The following BLTP1 variants were observed in gnomAD, a reference collection of about 807,000 sequenced individuals.
BLTP1 encodes fragile site-associated protein.
At chr4:122,224,876 A>C in the BLTP1 span, 17 of 1,475,100 alleles carry the variant, frequency 1.2e-5, no homozygotes, top group Non-Finnish European at 1.5e-5. Context: ...GCCACATATA[A>C]TTTGTTGGGT....
the BLTP1 span, chr4:122,221,681 A>G: frequency 2.1e-6 from 1 of 480,460 alleles, no homozygotes; most frequent in Non-Finnish European, 2.7e-6. Context: ...CCTTAAAAAA[A>G]AAAACCTCTT....
chr4:122,193,339 GGTAACGT>G, the BLTP1 span, among the ~76,000 whole-genome samples: 1 of 152,108 alleles, frequency 6.6e-6, no homozygotes. Flanking sequence ...GTTTGGTTGA[GGTAACGT>G]GTAAATTAAG....
At chr4:122,220,591 G>A in the BLTP1 span, 1 of 802,358 alleles carries the variant, frequency 1.2e-6, no homozygotes, top group Non-Finnish European at 1.9e-6. Flanking sequence ...AGACTTTTAA[G>A]TTAACTGTAT....
chr4:122,329,453 A>C, the BLTP1 span, among the ~76,000 whole-genome samples: 2 of 151,542 alleles, frequency 1.3e-5, no homozygotes, highest in African/African-American at 4.8e-5. Context: ...CGTCTTTTCT[A>C]ACAATTTTTC....
At chr4:122,211,366 C>T in the BLTP1 span, among the ~76,000 whole-genome samples, 1 of 150,590 alleles carries the variant, frequency 6.6e-6, no homozygotes, top group East Asian at 1.9e-4. Context: ...CATCTGTTCT[C>T]AGGGAGGTAA....
the BLTP1 span, chr4:122,154,859 G>A: frequency 2.0e-6 from 1 of 491,068 alleles, no homozygotes; most frequent in Non-Finnish European, 2.6e-6. Context: ...GCGACAGAGC[G>A]AGACTCCATC....
chr4:122,262,572 CA>C, the BLTP1 span: 2 of 224,094 alleles, frequency 8.9e-6, no homozygotes, highest in African/African-American at 2.3e-5. Flanking sequence ...TATAGAGTTG[CA>C]AAACATTTTT....
chr4:122,174,243 A>T, the BLTP1 span: 375,404 of 984,178 alleles, frequency 0.38, 72,012 homozygotes, highest in Middle Eastern at 0.56. Flanking sequence ...GTCACTCAAG[A>T]TTCTAAAGAA....
the BLTP1 span, chr4:122,307,825 C>T: frequency 6.7e-7 from 1 of 1,493,278 alleles, no homozygotes; most frequent in South Asian, 1.4e-5. Flanking sequence ...AATTCTAATG[C>T]TACAGTTTTC....
At chr4:122,213,786 TCTAA>T in the BLTP1 span, among the ~76,000 whole-genome samples, 1 of 152,162 alleles carries the variant, frequency 6.6e-6, no homozygotes, top group African/African-American at 2.4e-5. Context: ...ATATTGTAAT[TCTAA>T]CTGTCAGCCC....
chr4:122,273,993 T>C, the BLTP1 span, among the ~76,000 whole-genome samples: 1 of 152,076 alleles, frequency 6.6e-6, no homozygotes, highest in Non-Finnish European at 1.5e-5. Context: ...GGTTTCTTTT[T>C]CTTATTTTTT....
At chr4:122,248,061 A>T in the BLTP1 span, 7 of 985,180 alleles carry the variant, frequency 7.1e-6, no homozygotes, top group Non-Finnish European at 7.2e-6. Flanking sequence ...ATAGGTTCTG[A>T]AGTTTCCATG....
the BLTP1 span, chr4:122,318,352 T>C: frequency 2.3e-5 from 25 of 1,069,304 alleles, 1 homozygote; most frequent in South Asian, 3.4e-4. Flanking sequence ...CCAGGTACCA[T>C]CTAAAGCACG....
the BLTP1 span, chr4:122,262,745 TAA>T: frequency 1.5e-5 from 23 of 1,551,212 alleles, no homozygotes; most frequent in Non-Finnish European, 1.9e-5. Flanking sequence ...GAAATAACCC[TAA>T]GTTACACTTT....
chr4:122,277,174 A>G, the BLTP1 span: 4 of 691,638 alleles, frequency 5.8e-6, no homozygotes, highest in Non-Finnish European at 7.1e-6. Flanking sequence ...CTGTCTCTAC[A>G]AAAAATTTAA....
the BLTP1 span, chr4:122,288,646 C>T: frequency 2.5e-5 from 6 of 237,892 alleles, no homozygotes; most frequent in Middle Eastern, 2.0e-3. Context: ...AGCAAGACTC[C>T]GTCTCTAAAT....
chr4:122,201,797 A>G, the BLTP1 span: 1 of 889,986 alleles, frequency 1.1e-6, no homozygotes, highest in Non-Finnish European at 1.3e-6. Flanking sequence ...CAGAAACCTA[A>G]TCTTTGCTTG....
chr4:122,298,816 G>A, the BLTP1 span: 26 of 959,552 alleles, frequency 2.7e-5, no homozygotes, highest in African/African-American at 4.2e-4. Context: ...TTTCAAGAGA[G>A]GGACAGTTTG....
chr4:122,355,821 T>C, the BLTP1 span: 3 of 1,603,478 alleles, frequency 1.9e-6, no homozygotes, highest in African/African-American at 1.3e-5. Flanking sequence ...GTAATGTTGA[T>C]GCTAACAACA....
Sources: allele counts gnomAD v4.1 joint callset (sites outside exome capture counted in the v4.1 genomes callset), GRCh38; gene constraint gnomAD v4.1.1; transcripts MANE v1.5; gene names NCBI Gene and HGNC (gene_info 2026-07-23, HGNC 2026-07-21).